Variants in GALNT7 observed in about 807,000 individuals in gnomAD.
The protein encoded by GALNT7 is polypeptide N-acetylgalactosaminyltransferase 7, also known as N-acetylgalactosaminyltransferase 7.
A neutral mutation model predicts 82.1 loss-of-function variants in GALNT7; 60 were observed. That is an observed-to-expected ratio of 0.73 (90% confidence interval 0.59 to 0.91). The LOEUF (loss-of-function observed/expected upper bound fraction) is 0.91. Ranked by LOEUF, GALNT7 falls within the 40% of genes least tolerant of loss-of-function variation. The pLI is 0.00. For synonymous variants in GALNT7, 243 were observed against 275.1 expected, an observed-to-expected ratio of 0.88 and a Z score of 1.15; for missense variants, 660 against 804.2, an observed-to-expected ratio of 0.82 and a Z score of 2.17.
intron 1 of GALNT7, among the ~76,000 whole-genome samples, chr4:173,240,897 G>A (rs1374947974): frequency 6.6e-5 from 10 of 152,092 alleles, no homozygotes; most frequent in Admixed American, 6.6e-4. Context: ...GAAGCTCTGT[G>A]GGGGGTTAGA....
In GALNT7 at chr4:173,260,860, T is replaced by G. The variant is rs559270519; in HGVS notation, c.587+12420T>G. On this transcript the variant is annotated intron_variant, in intron 2 of 11. Coordinates refer to ENST00000265000, the MANE Select transcript of GALNT7 (RefSeq NM_017423.3). ...TTTAATAAATATTAATAAAAACAAG[T>G]AAGATGATGATTTACTCAATTTTTG... Among the ~76,000 whole-genome samples the G allele has an allele frequency of 5.3e-5, 8 of 152,260 alleles. No individual in the cohort carries two copies. In the South Asian group the frequency reaches 1.2e-3, roughly 24 times the overall value.
chr4:173,205,827 A>C (rs1733073470), intron 1 of GALNT7, among the ~76,000 whole-genome samples: 1 of 151,248 alleles, frequency 6.6e-6, no homozygotes, highest in African/African-American at 2.4e-5. Context: ...GGCTGGCCTC[A>C]TGACTAGGGC....
At chr4:173,283,816 C>T (rs990605234) in intron 2 of GALNT7, among the ~76,000 whole-genome samples, 6 of 152,110 alleles carry the variant, frequency 3.9e-5, no homozygotes, top group Admixed American at 3.3e-4. Flanking sequence ...GGTAAAACAA[C>T]GAGTTTTTCC....
rs568197562 is a variant in GALNT7 at position 173,287,861 on chromosome 4, T to C, written c.588-4247T>C. Reference sequence around the variant, plus strand: ...GGAGGAAGTCTTTTAATATTATCTCTGGCTTCCCTTGCTATGGCCCTAGTG... The same window carrying C: ...GGAGGAAGTCTTTTAATATTATCTCCGGCTTCCCTTGCTATGGCCCTAGTG... On this transcript the variant is annotated intron_variant, in intron 2 of 11. Coordinates refer to ENST00000265000, the MANE Select transcript of GALNT7 (RefSeq NM_017423.3). 3.3e-5 allele frequency among the ~76,000 whole-genome samples: 5 copies of C among 150,754 alleles called. No individual in the cohort carries two copies. In the South Asian group the frequency reaches 1.0e-3, roughly 31 times the overall value.
chr4:173,245,142 G>C (rs894210596), intron 1 of GALNT7, among the ~76,000 whole-genome samples: 1 of 147,388 alleles, frequency 6.8e-6, no homozygotes, highest in African/African-American at 2.5e-5. Context: ...AATGAGGATG[G>C]AATGACAAAT....
intron 2 of GALNT7, among the ~76,000 whole-genome samples, chr4:173,269,450 C>T (rs1210677233): frequency 1.3e-5 from 2 of 152,148 alleles, no homozygotes; most frequent in Admixed American, 6.5e-5. Flanking sequence ...GAAGCTGCTG[C>T]AGTTAGTGAC....
At chr4:173,178,052 T>TGTGAGCGCGCGC (rs563102408) in intron 1 of GALNT7, among the ~76,000 whole-genome samples, 1 of 129,510 alleles carries the variant, frequency 7.7e-6, no homozygotes. Context: ...TGTGTGTGTG[T>TGTGAGCGCGCGC]GCGCGCACGC....
At chr4:173,303,167 C>A in intron 7 of GALNT7, among the ~76,000 whole-genome samples, 1 of 151,754 alleles carries the variant, frequency 6.6e-6, no homozygotes, top group East Asian at 1.9e-4. Context: ...TGCACTCCAG[C>A]CTGGGGGACA....
chr4:173,262,939 T>C (rs1735335692), intron 2 of GALNT7, among the ~76,000 whole-genome samples: 1 of 152,208 alleles, frequency 6.6e-6, no homozygotes. Context: ...ATATTTAGGG[T>C]ATATTTATGA....
At chr4:173,247,317 G>A (rs1734678875) in intron 1 of GALNT7, among the ~76,000 whole-genome samples, 1 of 150,714 alleles carries the variant, frequency 6.6e-6, no homozygotes, top group East Asian at 1.9e-4. Context: ...AATCTGTTTT[G>A]ACCCATGCTG....
chr4:173,245,721 G>A (rs564401458), intron 1 of GALNT7, among the ~76,000 whole-genome samples: 1 of 152,124 alleles, frequency 6.6e-6, no homozygotes, highest in South Asian at 2.1e-4. Flanking sequence ...GAAGGAGCCA[G>A]GAGATAAATT....
chr4:173,206,326 T>A lies in GALNT7; in HGVS notation c.126+37365T>A, dbSNP rs74468959. On this transcript the variant is annotated intron_variant, in intron 1 of 11. Transcript: ENST00000265000. ...CCTTCCTACCTTCTTCAATGCTACA[T>A]CCAGGTGCTGTAATCTCTCACTTGG... is the stretch of plus-strand genomic sequence containing the variant. Among the ~76,000 whole-genome samples the A allele has an allele frequency of 2.6e-4, 40 of 152,320 alleles. No homozygotes were observed. In the East Asian group the frequency reaches 7.1e-3, roughly 27 times the overall value.
chr4:173,206,416 G>A (rs1401068112), intron 1 of GALNT7, among the ~76,000 whole-genome samples: 1 of 152,164 alleles, frequency 6.6e-6, no homozygotes, highest in Non-Finnish European at 1.5e-5. Flanking sequence ...TATTTCTCTT[G>A]GGTGGGGGTG....
chr4:173,297,826 A>G (rs1026654281), intron 5 of GALNT7: 44 of 1,467,430 alleles, frequency 3.0e-5, no homozygotes, highest in African/African-American at 1.1e-4. Context: ...AATAGATTAC[A>G]TAGATGGGAA....
At chr4:173,215,446 G>A (rs1733414995) in intron 1 of GALNT7, among the ~76,000 whole-genome samples, 1 of 152,034 alleles carries the variant, frequency 6.6e-6, no homozygotes. Context: ...GCCCAGGCTG[G>A]TCTTGAACTC....
chr4:173,247,597 T>G (rs1734689926), intron 1 of GALNT7, among the ~76,000 whole-genome samples: 1 of 152,128 alleles, frequency 6.6e-6, no homozygotes. Context: ...ACGGTACAAC[T>G]GGGAAAACCA....
intron 3 of GALNT7, among the ~76,000 whole-genome samples, chr4:173,294,202 C>T (rs902496793): frequency 6.6e-6 from 1 of 151,544 alleles, no homozygotes; most frequent in Non-Finnish European, 1.5e-5. Context: ...AAAAAATCCT[C>T]CTAATGGAAT....
intron 2 of GALNT7, among the ~76,000 whole-genome samples, chr4:173,256,037 GT>G (rs1358012754): frequency 2.6e-5 from 4 of 152,166 alleles, no homozygotes; most frequent in Admixed American, 6.6e-5. Flanking sequence ...GCATATTAAT[GT>G]TTGGAAGTGA....
chr4:173,169,141 G>A, intron 1 of GALNT7, 180 bp downstream of exon 1: 1 of 298,428 alleles, frequency 3.4e-6, no homozygotes, highest in Non-Finnish European at 5.9e-6. Context: ...CGACCTCCCT[G>A]GCCGCCGCCG....
Sources: allele counts gnomAD v4.1 joint callset (sites outside exome capture counted in the v4.1 genomes callset), GRCh38; gene constraint gnomAD v4.1.1; transcripts MANE v1.5; gene names NCBI Gene and HGNC (gene_info 2026-07-23, HGNC 2026-07-21).